LSAMP: variants seen among roughly 807,000 people sequenced by gnomAD.
The protein encoded by LSAMP is limbic system associated membrane protein.
LSAMP carries 7 observed loss-of-function variants against 38.6 expected under a neutral mutation model. The observed-to-expected ratio is 0.18, with a 90% confidence interval of 0.10 to 0.34. The LOEUF is 0.34. LSAMP is among the 10% of genes least tolerant of loss of function. The probability of loss-of-function intolerance (pLI) is 1.00; values close to 1 mark genes in which losing one functional copy is unlikely to be tolerated. For synonymous variants in LSAMP, 154 were observed against 166.8 expected (o/e 0.92, Z 0.59); for missense variants, 313 against 420.0 (o/e 0.75, Z 2.23).
At chr3:116,317,642 C>A (rs564928684) in intron 1 of LSAMP, among the ~76,000 whole-genome samples, 14 of 151,692 alleles carry the variant, frequency 9.2e-5, no homozygotes, top group South Asian at 2.1e-4. Context: ...GGCGTGAGCC[C>A]CCGCGCCCGG....
chr3:116,241,248 T>C (rs1005799003), intron 1 of LSAMP, among the ~76,000 whole-genome samples: 2 of 151,340 alleles, frequency 1.3e-5, no homozygotes, highest in African/African-American at 4.9e-5. Flanking sequence ...AGGTTTCATG[T>C]AGACCACCCT....
chr3:115,813,046 A>G (rs1933889986), intron 6 of LSAMP, among the ~76,000 whole-genome samples: 1 of 151,884 alleles, frequency 6.6e-6, no homozygotes, highest in South Asian at 2.1e-4. Flanking sequence ...CAAATGATAT[A>G]CACACATATT....
At chr3:115,850,602 T>A (rs891696803) in intron 4 of LSAMP, among the ~76,000 whole-genome samples, 8 of 152,174 alleles carry the variant, frequency 5.3e-5, no homozygotes, top group African/African-American at 1.2e-4. Context: ...ATAATAGTAA[T>A]AACTGGCATT....
At chr3:115,885,061 A>C (rs780875968) in intron 3 of LSAMP, among the ~76,000 whole-genome samples, 5 of 152,082 alleles carry the variant, frequency 3.3e-5, no homozygotes, top group African/African-American at 1.2e-4. Flanking sequence ...AAGTAAAAAC[A>C]TTTAGGGAAC....
chr3:115,934,704 T>C (rs897410590), intron 3 of LSAMP, among the ~76,000 whole-genome samples: 3 of 152,204 alleles, frequency 2.0e-5, no homozygotes, highest in Non-Finnish European at 4.4e-5. Flanking sequence ...TTATATCAGC[T>C]TCACTCCATA....
Position 116,282,631 on chromosome 3 carries a change from A to C in LSAMP, c.155+162246T>G, listed in dbSNP as rs567113320. 4.6e-5 allele frequency among the ~76,000 whole-genome samples: 7 copies of C among 152,262 alleles called. No homozygotes were observed. In the East Asian group the frequency reaches 1.4e-3, roughly 29 times the overall value. On this transcript the variant is annotated intron_variant, in intron 1 of 6. Transcript: ENST00000490035. The stretch of plus-strand genomic sequence containing the variant: ...TTTCTGACATGTGGATTTTAACTAT[A>C]AGCAGACAACAACGGAGCAACCACA...
intron 1 of LSAMP, among the ~76,000 whole-genome samples, chr3:116,409,591 T>C (rs2048944664): frequency 6.6e-6 from 1 of 152,176 alleles, no homozygotes; most frequent in Non-Finnish European, 1.5e-5. Context: ...TCCATCGTAA[T>C]GCTGATGACA....
At chr3:116,200,369 T>C (rs894868561) in intron 1 of LSAMP, among the ~76,000 whole-genome samples, 1 of 152,200 alleles carries the variant, frequency 6.6e-6, no homozygotes, top group African/African-American at 2.4e-5. Context: ...TCCCTAAGTA[T>C]AGAAATGTGG....
chr3:116,441,376 T>C (rs1241965542), intron 1 of LSAMP, among the ~76,000 whole-genome samples: 1 of 152,254 alleles, frequency 6.6e-6, no homozygotes, highest in Non-Finnish European at 1.5e-5. Flanking sequence ...TTTTACAAAG[T>C]TGCCTTATGA....
At chr3:115,944,181 T>A (rs967816885) in intron 3 of LSAMP, among the ~76,000 whole-genome samples, 15 of 152,172 alleles carry the variant, frequency 9.9e-5, no homozygotes, top group Non-Finnish European at 2.9e-5. Flanking sequence ...GAATTTCTGC[T>A]AAACTCTTCT....
chr3:116,215,193 T>G (rs1048726563), intron 1 of LSAMP, among the ~76,000 whole-genome samples: 4 of 152,172 alleles, frequency 2.6e-5, no homozygotes, highest in Non-Finnish European at 4.4e-5. Context: ...AATAAAGGAA[T>G]AAGTTGCTGA....
intron 1 of LSAMP, among the ~76,000 whole-genome samples, chr3:116,291,255 C>T (rs900851309): frequency 7.9e-5 from 12 of 152,246 alleles, no homozygotes; most frequent in Admixed American, 6.5e-4. Flanking sequence ...AGATAACAGT[C>T]AGCTTAGATT....
chr3:116,158,893 C>A (rs1709818900), intron 1 of LSAMP, among the ~76,000 whole-genome samples: 1 of 151,862 alleles, frequency 6.6e-6, no homozygotes, highest in Admixed American at 6.6e-5. Flanking sequence ...ACAGCCAAGG[C>A]AATCATAAGC....
intron 3 of LSAMP, among the ~76,000 whole-genome samples, chr3:115,919,258 T>C (rs1234041490): frequency 6.6e-6 from 1 of 152,204 alleles, no homozygotes; most frequent in African/African-American, 2.4e-5. Context: ...GCCTGGGCTT[T>C]TTTGGCCCTA....
At chr3:116,133,863 C>T (rs1709187911) in intron 1 of LSAMP, among the ~76,000 whole-genome samples, 1 of 152,166 alleles carries the variant, frequency 6.6e-6, no homozygotes, top group Non-Finnish European at 1.5e-5. Flanking sequence ...GGTGAGTTCT[C>T]CTTCCCAATT....
chr3:115,855,254 C>T lies in LSAMP; in HGVS notation c.515-2637G>A, dbSNP rs138770006. ...GCCCTACCAATTCTGGAAGATGGCA[C>T]CTATGAAAGGAAATAGTAAGATGAA... On this transcript the variant is annotated intron_variant, in intron 3 of 6. Coordinates refer to ENST00000490035, the MANE Select transcript of LSAMP (RefSeq NM_002338.5). 7.2e-5 allele frequency among the ~76,000 whole-genome samples: 11 copies of T among 152,162 alleles called. No individual in the cohort carries two copies. In the East Asian group the frequency reaches 2.1e-3, roughly 29 times the overall value.
intron 1 of LSAMP, among the ~76,000 whole-genome samples, chr3:116,252,551 T>C (rs2046697683): frequency 6.6e-6 from 1 of 152,212 alleles, no homozygotes; most frequent in Admixed American, 6.5e-5. Flanking sequence ...AGGAACACTA[T>C]CAGCGTGATG....
intron 1 of LSAMP, among the ~76,000 whole-genome samples, chr3:116,162,266 C>T (rs894995077): frequency 2.0e-5 from 3 of 152,094 alleles, no homozygotes; most frequent in Non-Finnish European, 4.4e-5. Flanking sequence ...GTACACATGC[C>T]TTGTGCATGG....
chr3:116,167,838 T>G (rs987657761), intron 1 of LSAMP, among the ~76,000 whole-genome samples: 2 of 152,138 alleles, frequency 1.3e-5, no homozygotes, highest in African/African-American at 4.8e-5. Flanking sequence ...GATAAATCTG[T>G]GTGTGAATAT....
Sources: allele counts gnomAD v4.1 joint callset (sites outside exome capture counted in the v4.1 genomes callset), GRCh38; gene constraint gnomAD v4.1.1; transcripts MANE v1.5; gene names NCBI Gene and HGNC (gene_info 2026-07-23, HGNC 2026-07-21).